Variants in TBC1D14 observed in about 807,000 individuals in gnomAD.
The protein encoded by TBC1D14 is TBC1 domain family, member 14.
A neutral mutation model predicts 79.0 loss-of-function variants in TBC1D14; 26 were observed. The ratio of observed to expected loss-of-function variants is 0.33; its 90% CI spans 0.24 to 0.46. The LOEUF (loss-of-function observed/expected upper bound fraction) is 0.46, where lower values mean the gene tolerates loss of function less well. Among genes scored for constraint, TBC1D14 ranks in the 20% least tolerant of loss-of-function variants. The pLI is 1.00. For missense variants in TBC1D14, 769 were observed against 887.6 expected, an observed-to-expected ratio of 0.87 and a Z score of 1.70; for synonymous variants, 394 against 349.9, an observed-to-expected ratio of 1.13 and a Z score of -1.40.
chr4:6,954,308 C>A lies in TBC1D14; in HGVS notation c.723-12996C>A, dbSNP rs1476400731. The A allele has an allele frequency of 1.3e-5, 9 of 717,408 alleles. No individual in the cohort carries two copies. In the East Asian group the frequency reaches 2.4e-4, roughly 19 times the overall value. The allele number at this position is 717,408 out of a possible 1,614,324, so 44.4% of individuals were successfully genotyped here. On this transcript the variant is annotated intron_variant, in intron 2 of 13. Transcript: ENST00000409757. ...TGCGAGGTCACAGTAGACATGATGG[C>A]CATCTCCCCTGCGCTCCTGTTCATG...
At chr4:6,978,208 C>A (rs1171193716) in intron 3 of TBC1D14, among the ~76,000 whole-genome samples, 2 of 151,414 alleles carry the variant, frequency 1.3e-5, no homozygotes, top group South Asian at 4.2e-4. Flanking sequence ...TGAGGAGCCC[C>A]TCTGCCCGGC....
Position 7,024,577 on chromosome 4 carries a change from G to T in TBC1D14, c.1758-427G>T, listed in dbSNP as rs1189581037. ...GGCACCCAGAGGAGGAAGGAGCCTCGTGCATGCTCCCAGGGCGGGGGGAAC... is the reference window on the plus strand; with the variant it reads ...GGCACCCAGAGGAGGAAGGAGCCTCTTGCATGCTCCCAGGGCGGGGGGAAC... On this transcript the variant is annotated intron_variant, in intron 12 of 13. Transcript: ENST00000409757. Among the ~76,000 whole-genome samples, 2 of 152,306 alleles carry T rather than the reference G, an allele frequency of 1.3e-5. 1 individual carries two copies. The highest frequency in any genetic ancestry group is 4.8e-5 in the African/African-American group (2 of 41,568).
At chr4:6,934,269 C>T (rs1308165031) in intron 2 of TBC1D14, among the ~76,000 whole-genome samples, 4 of 151,684 alleles carry the variant, frequency 2.6e-5, no homozygotes, top group Non-Finnish European at 4.4e-5. Flanking sequence ...GCAGCAAAAG[C>T]GAGAAGGCAG....
chr4:6,979,964 G>T (rs1204696025), intron 3 of TBC1D14, among the ~76,000 whole-genome samples: 1 of 152,202 alleles, frequency 6.6e-6, no homozygotes, highest in Non-Finnish European at 1.5e-5. Context: ...TATAATGGGA[G>T]TGTCAACAGT....
chr4:7,024,390 C>T (rs1414963726), intron 12 of TBC1D14, among the ~76,000 whole-genome samples: 1 of 152,210 alleles, frequency 6.6e-6, no homozygotes, highest in Admixed American at 6.5e-5. Context: ...CCCACCTGTA[C>T]CGAGCACTGT....
intron 1 of TBC1D14, among the ~76,000 whole-genome samples, chr4:6,918,016 T>C (rs1349151912): frequency 2.6e-5 from 4 of 152,226 alleles, no homozygotes; most frequent in Admixed American, 2.6e-4. Flanking sequence ...TTTAAGGAAC[T>C]TAACTGGAAT....
Position 7,024,985 on chromosome 4 carries a change from T to G in TBC1D14, c.1758-19T>G. On this transcript the variant is annotated intron_variant, in intron 12 of 13. Coordinates refer to ENST00000409757, the MANE Select transcript of TBC1D14 (RefSeq NM_020773.3). ...AGGAGAGATTCAAAATCTGAAAAAT[T>G]CCAACTTTTACCCCCTAGGATCTTT... 6.2e-7 allele frequency: 1 copy of G among 1,610,328 alleles called. No individual in the cohort carries two copies. The highest frequency in any genetic ancestry group is 1.1e-5 in the South Asian group (1 of 90,896).
At chr4:7,021,996 G>GT (rs1721882106) in intron 12 of TBC1D14, among the ~76,000 whole-genome samples, 1 of 152,240 alleles carries the variant, frequency 6.6e-6, no homozygotes. Context: ...AGAGCCTGGT[G>GT]TCCCCCTTCA....
intron 13 of TBC1D14, among the ~76,000 whole-genome samples, chr4:7,029,081 C>T (rs76066203): frequency 0.022 from 3,315 of 152,228 alleles, 117 homozygotes; most frequent in African/African-American, 0.076. Context: ...CCCAAGTGAT[C>T]TTCCTCCCTT....
chr4:7,011,343 G>C (rs563874957), intron 11 of TBC1D14, among the ~76,000 whole-genome samples: 2 of 145,748 alleles, frequency 1.4e-5, no homozygotes, highest in African/African-American at 5.2e-5. Context: ...TGGTGACAGT[G>C]GGGGGTAGGG....
intron 2 of TBC1D14, among the ~76,000 whole-genome samples, chr4:6,926,300 C>T (rs567697505): frequency 9.8e-5 from 15 of 152,338 alleles, no homozygotes; most frequent in Non-Finnish European, 2.2e-4. Flanking sequence ...GTATGAGTTG[C>T]TTGTGGCGAT....
chr4:6,984,221 T>G (rs1295868518), intron 3 of TBC1D14, among the ~76,000 whole-genome samples: 7 of 152,202 alleles, frequency 4.6e-5, no homozygotes, highest in African/African-American at 1.7e-4. Context: ...AGCCCATGTC[T>G]TTGTCTCTCT....
intron 3 of TBC1D14, among the ~76,000 whole-genome samples, chr4:6,977,169 G>A (rs1008415036): frequency 1.6e-5 from 2 of 121,222 alleles, no homozygotes; most frequent in African/African-American, 3.1e-5. Context: ...CCCTGATGCC[G>A]AGCCAAAGCT....
intron 3 of TBC1D14, among the ~76,000 whole-genome samples, chr4:6,977,837 A>G (rs1477921155): frequency 6.8e-6 from 1 of 147,368 alleles, no homozygotes; most frequent in African/African-American, 2.5e-5. Flanking sequence ...GGAAGTGAGG[A>G]GCGTCTCTGC....
intron 12 of TBC1D14, among the ~76,000 whole-genome samples, chr4:7,018,320 G>T (rs576752980): frequency 6.6e-6 from 1 of 152,254 alleles, no homozygotes; most frequent in Non-Finnish European, 1.5e-5. Context: ...TGTGGGTGTG[G>T]CCAGCTCAGC....
intron 2 of TBC1D14, chr4:6,954,246 G>A (rs1335708976): frequency 1.4e-6 from 1 of 716,828 alleles, no homozygotes; most frequent in Non-Finnish European, 2.6e-6. Context: ...ATGCGGCACG[G>A]GGAGAGTCCG....
intron 3 of TBC1D14, 47 bp from the exon 4 acceptor site, chr4:6,994,137 A>G: frequency 6.7e-7 from 1 of 1,492,072 alleles, no homozygotes; most frequent in African/African-American, 1.4e-5. Flanking sequence ...GAAGGACTTC[A>G]TCCTATCTGA....
chr4:6,976,859 T>C (rs1393269102), intron 3 of TBC1D14, among the ~76,000 whole-genome samples: 1 of 152,114 alleles, frequency 6.6e-6, no homozygotes, highest in Non-Finnish European at 1.5e-5. Context: ...ATAAACAATT[T>C]GCCGTATAAT....
At chr4:7,004,116 T>C (rs1719946381) in intron 7 of TBC1D14, among the ~76,000 whole-genome samples, 1 of 152,222 alleles carries the variant, frequency 6.6e-6, no homozygotes, top group Admixed American at 6.5e-5. Context: ...ACACTTGTCC[T>C]TGAAAGAAGA....
Sources: gnomAD v4.1 joint callset for allele counts (sites outside exome capture counted in the v4.1 genomes callset) on GRCh38, gnomAD v4.1.1 for gene constraint, MANE v1.5 for transcripts, NCBI Gene and HGNC (gene_info 2026-07-23, HGNC 2026-07-21) for gene names.